The following CTSB variants were observed in gnomAD, a reference collection of about 807,000 sequenced individuals.
The protein encoded by CTSB is APP secretase.
In CTSB, 57 loss-of-function variants were observed where a neutral mutation model predicts 44.3. The observed-to-expected ratio is 1.29, with a 90% CI of 1.04 to 1.60. The LOEUF (loss-of-function observed/expected upper bound fraction) is 1.60, where lower values mean the gene tolerates loss of function less well. Ranked by LOEUF, CTSB falls within the 40% of genes most tolerant of loss-of-function variation. The probability of loss-of-function intolerance (pLI) is 0.00; values close to 1 mark genes in which losing one functional copy is unlikely to be tolerated. For synonymous variants in CTSB, 320 were observed against 168.0 expected, an observed-to-expected ratio of 1.91 and a Z score of -7.00; for missense variants, 768 against 443.0, an observed-to-expected ratio of 1.73 and a Z score of -6.59.
intron 5 of CTSB, 153 bp from the exon 6 acceptor site, chr8:11,848,305 A>T (rs1451818370): frequency 1.4e-6 from 1 of 712,720 alleles, no homozygotes; most frequent in South Asian, 1.5e-5. Context: ...AAACCCTCCA[A>T]GGGACGCTCC....
intron 1 of CTSB, among the ~76,000 whole-genome samples, chr8:11,859,496 CATGCCTGTA>C (rs1421885852): frequency 1.3e-5 from 2 of 152,264 alleles, no homozygotes; most frequent in East Asian, 3.9e-4. Flanking sequence ...CACAGTGGCT[CATGCCTGTA>C]ATCCCAGCGC....
chr8:11,847,196 G>C (rs1229654420), intron 7 of CTSB, 28 bp from the exon 8 acceptor site: 9 of 1,483,774 alleles, frequency 6.1e-6, no homozygotes, highest in Non-Finnish European at 7.5e-6. Flanking sequence ...CTCGGGGTTG[G>C]GGAGGGCAGT....
chr8:11,845,241 G>A lies in CTSB; in HGVS notation c.923-19C>T, dbSNP rs775848157. On this transcript the variant is annotated intron_variant, in intron 9 of 9. Transcript: ENST00000353047. ...AAGAAGCCTGGGAATAAAAAGTAAGGTGCTTTTAAAGTGTGACAAGGGTCA... is the reference window on the plus strand; with the variant it reads ...AAGAAGCCTGGGAATAAAAAGTAAGATGCTTTTAAAGTGTGACAAGGGTCA... 3.8e-6 allele frequency: 6 copies of A among 1,583,746 alleles called. No homozygotes were observed. Among genetic ancestry groups the A allele is most frequent in the Admixed American group, 3.3e-5 (2 of 59,844 alleles).
Position 11,846,611 on chromosome 8 carries a change from C to T in CTSB, c.793+441G>A, listed in dbSNP as rs1246955823. On this transcript the variant is annotated intron_variant, in intron 8 of 9. Transcript: ENST00000353047. ...TTCATCCACTGGTGTGAGGCACGAT[C>T]TAGGCCTTTGCAAAGAGAAAGATGA... Among the ~76,000 whole-genome samples the T allele has an allele frequency of 2.0e-5, 3 of 152,190 alleles. No individual in the cohort carries two copies. In the East Asian group the frequency reaches 5.8e-4, roughly 29 times the overall value.
intron 8 of CTSB, chr8:11,846,402 CCTTT>C (rs1360820316): frequency 6.6e-6 from 1 of 152,474 alleles, no homozygotes; most frequent in East Asian, 1.9e-4. Context: ...GAATCATCTT[CCTTT>C]GTCAAACTGT....
At chr8:11,852,295 C>T (rs3779659) in intron 3 of CTSB, among the ~76,000 whole-genome samples, 4,168 of 152,108 alleles carry the variant, frequency 0.027, 209 homozygotes, top group East Asian at 0.26. Context: ...CGCTTGAACC[C>T]GGGAGACAGA....
intron 1 of CTSB, 58 bp from the exon 2 acceptor site, chr8:11,853,537 C>T (rs746911003): frequency 3.3e-6 from 5 of 1,504,866 alleles, no homozygotes; most frequent in Non-Finnish European, 3.6e-6. Flanking sequence ...AGGGCTCACA[C>T]ACACAGGGGC....
rs1027616128 is a variant in CTSB, at chr8:11,844,605, G to A, written c.*520C>T. ...AAAACTTCTATTAAAGAATCATGCT[G>A]AGCACAAGATCAGAGAGGTTGTGAC... is the stretch of plus-strand genomic sequence containing the variant. On this transcript the variant is annotated 3_prime_UTR_variant, in exon 10 of 10. Coordinates refer to ENST00000353047, the MANE Select transcript of CTSB (RefSeq NM_001908.5). 1.3e-5 allele frequency: 2 copies of A among 153,550 alleles called. No individual in the cohort carries two copies. Among genetic ancestry groups the A allele is most frequent in the Admixed American group, 1.3e-4 (2 of 15,520 alleles). 9.5% of individuals were successfully genotyped at this position (153,550 alleles called of 1,614,324 possible).
chr8:11,849,042 T>G lies in CTSB; in HGVS notation c.446+4A>C. ...ACCCGCTGTGGAAGCACAGCCTGAC[T>G]CACCCGTCCCCACACATGCTGCCAC... On this transcript the variant is annotated splice_donor_region_variant and intron_variant, in intron 5 of 9. Coordinates refer to ENST00000353047, the MANE Select transcript of CTSB (RefSeq NM_001908.5). The G allele has an allele frequency of 6.2e-7, 1 of 1,608,832 alleles. No homozygotes were observed. The highest frequency in any genetic ancestry group is 8.5e-7 in the Non-Finnish European group (1 of 1,176,062).
At chr8:11,852,515 C>T (rs376787078) in intron 3 of CTSB, 95 bp downstream of exon 3, 19 of 893,158 alleles carry the variant, frequency 2.1e-5, no homozygotes, top group Middle Eastern at 2.2e-4. Flanking sequence ...ATGAGCCCTG[C>T]GGACGCCAGA....
chr8:11,846,723 A>T (rs922029367), intron 8 of CTSB, among the ~76,000 whole-genome samples: 5 of 152,262 alleles, frequency 3.3e-5, no homozygotes, highest in Non-Finnish European at 5.9e-5. Flanking sequence ...CAGGAAGGCG[A>T]GGGCAGGCGT....
chr8:11,845,813 G>A (rs924728952), intron 8 of CTSB, 24 bp from the exon 9 acceptor site: 4 of 1,597,764 alleles, frequency 2.5e-6, no homozygotes, highest in Non-Finnish European at 3.4e-6. Context: ...AACTGGCTGA[G>A]ACCGAGACCG....
rs769238488 is a variant in CTSB, at chr8:11,847,766, G to C, written c.589C>G (p.Pro197Ala). 5 of 1,600,570 alleles carry C rather than the reference G, an allele frequency of 3.1e-6. No homozygotes were observed. The highest frequency in any genetic ancestry group is 4.3e-6 in the Non-Finnish European group (5 of 1,176,080). ...GGGGTATCTCCCTCCCCCGTGCATG[G>C]GGGCCGGGAGCCGTTGACGTGGTGC... ...CEHHVNGSRP[P>A]CTGEGDTPKC... Residue 197 changes from proline (P) to alanine (A), a missense_variant, in exon 7 of 10, where the codon CCA becomes GCA. Pro to Ala is a conservative substitution (Grantham distance 27, BLOSUM62 -1). Coordinates refer to ENST00000353047, the MANE Select transcript of CTSB (RefSeq NM_001908.5).
At chr8:11,845,624 A>G in intron 9 of CTSB, 37 bp downstream of exon 9, 1 of 1,601,990 alleles carries the variant, frequency 6.2e-7, no homozygotes, top group Non-Finnish European at 8.5e-7. Context: ...GTGGCTCACA[A>G]TTCACTGTTC....
Position 11,847,729 on chromosome 8 carries a change from T to A in CTSB, c.626A>T (p.Lys209Met), listed in dbSNP as rs1306905730. ...CGGGCTGTAGCCAGGCTCACAGATC[T>A]TGCTACACTTGGGGGTATCTCCCTC... ...TGEGDTPKCS[K>M]ICEPGYSPTY... Residue 209 changes from lysine (K) to methionine (M), a missense_variant, in exon 7 of 10, where the codon AAG (lysine) becomes ATG (methionine). By Grantham distance (95) the Lys-to-Met change is moderately conservative. Transcript: ENST00000353047. The A allele has an allele frequency of 6.3e-7, 1 of 1,598,624 alleles. No homozygotes were observed. Among genetic ancestry groups the A allele is most frequent in the Non-Finnish European group, 8.5e-7 (1 of 1,174,578 alleles).
intron 1 of CTSB, among the ~76,000 whole-genome samples, chr8:11,860,075 G>C (rs1816179918): frequency 6.6e-6 from 1 of 150,514 alleles, no homozygotes; most frequent in African/African-American, 2.4e-5. Flanking sequence ...CTGTCTCAGA[G>C]AAAAAAAAAG....
At chr8:11,848,375 G>A (rs113628575) in intron 5 of CTSB, 18,331 of 662,526 alleles carry the variant, frequency 0.028, 454 homozygotes, top group African/African-American at 0.095. Context: ...ACAAAGATCC[G>A]GGAGAAGACA....
rs937693891 is a variant in CTSB, at chr8:11,845,608, C to CG, written c.922+52dup. ...AGAACAGAGAAAGCCGAGATGGCCA[C>CG]GGGGTGTGGCTCACAATTCACTGTT... On this transcript the variant is annotated intron_variant, in intron 9 of 9. Transcript: ENST00000353047. 2.7e-4 allele frequency: 436 copies of CG among 1,587,652 alleles called. 1 individual carries two copies. The highest frequency in any genetic ancestry group is 3.6e-4 in the South Asian group (32 of 88,068).
chr8:11,859,394 G>A (rs73663032), intron 1 of CTSB, among the ~76,000 whole-genome samples: 2 of 152,162 alleles, frequency 1.3e-5, no homozygotes, highest in African/African-American at 2.4e-5. Flanking sequence ...GAGGAGGTGC[G>A]GCTAAGTCAC....
Sources: allele counts gnomAD v4.1 joint callset (sites outside exome capture counted in the v4.1 genomes callset), GRCh38; gene constraint gnomAD v4.1.1; transcripts MANE v1.5; gene names NCBI Gene and HGNC (gene_info 2026-07-23, HGNC 2026-07-21).